Variants in LYZL2 observed in about 807,000 individuals in gnomAD.
The protein encoded by LYZL2 is lysozyme like 2, also known as lysozyme-like protein 2.
LYZL2 carries 13 observed loss-of-function variants against 17.1 expected under a neutral mutation model. That is an observed-to-expected ratio of 0.76 (90% confidence interval 0.49 to 1.21). The LOEUF (loss-of-function observed/expected upper bound fraction) is 1.21, where lower values mean the gene tolerates loss of function less well. Among genes scored for constraint, LYZL2 ranks in the 50% most tolerant of loss-of-function variants. The probability of loss-of-function intolerance (pLI) is 0.00; values close to 1 mark genes in which losing one functional copy is unlikely to be tolerated. For missense variants in LYZL2, 166 were observed against 189.2 expected (o/e 0.88, Z 0.72); for synonymous variants, 63 against 74.4 (o/e 0.85, Z 0.79).
chr10:30,621,216 G>A (rs967392512), intron 3 of LYZL2, among the ~76,000 whole-genome samples: 7 of 152,144 alleles, frequency 4.6e-5, no homozygotes, highest in Admixed American at 2.0e-4. Flanking sequence ...ATTACATACC[G>A]GGGACAAACA....
At chr10:30,608,966 A>T (rs536718172), downstream of LYZL2, among the ~76,000 whole-genome samples, 72 of 152,174 alleles carry the variant, frequency 4.7e-4, no homozygotes, top group Middle Eastern at 6.8e-3. Context: ...CAACCTCCTG[A>T]GTAGCTGGAA....
intron 3 of LYZL2, 72 bp downstream of exon 3, chr10:30,626,033 T>C (rs1001413867): frequency 3.2e-6 from 5 of 1,559,030 alleles, no homozygotes; most frequent in South Asian, 1.2e-5. Flanking sequence ...AAGCAAGACA[T>C]GGTTGGTGAT....
downstream of LYZL2, among the ~76,000 whole-genome samples, chr10:30,609,991 G>A (rs1312536291): frequency 6.6e-6 from 1 of 152,250 alleles, no homozygotes; most frequent in African/African-American, 2.4e-5. Flanking sequence ...GAATTTTGAA[G>A]CACTTATTTT....
chr10:30,621,647 G>A, intron 3 of LYZL2, among the ~76,000 whole-genome samples: 1 of 152,094 alleles, frequency 6.6e-6, no homozygotes, highest in Admixed American at 6.5e-5. Flanking sequence ...AATTTTATAT[G>A]TAAAGAAAAT....
At chr10:30,606,636 G>A in the LYZL2 span, among the ~76,000 whole-genome samples, 1 of 152,130 alleles carries the variant, frequency 6.6e-6, no homozygotes, top group African/African-American at 2.4e-5. Flanking sequence ...TACAGGAGGT[G>A]AAACACAGAA....
downstream of LYZL2, among the ~76,000 whole-genome samples, chr10:30,608,618 G>T (rs1449193636): frequency 1.3e-5 from 2 of 152,164 alleles, no homozygotes; most frequent in Non-Finnish European, 2.9e-5. Context: ...CTGCTGTCGC[G>T]CTGTGGCCCC....
chr10:30,625,341 G>A (rs1050108238), intron 3 of LYZL2, among the ~76,000 whole-genome samples: 2 of 152,116 alleles, frequency 1.3e-5, no homozygotes, highest in African/African-American at 4.8e-5. Flanking sequence ...TCATGAGATT[G>A]GATTGGCTCC....
intron 3 of LYZL2, among the ~76,000 whole-genome samples, chr10:30,624,615 G>C (rs1002680423): frequency 6.6e-6 from 1 of 152,160 alleles, no homozygotes; most frequent in Non-Finnish European, 1.5e-5. Context: ...TATGATACAG[G>C]AGGTAAAAAA....
intron 3 of LYZL2, among the ~76,000 whole-genome samples, chr10:30,624,755 G>T (rs1838677735): frequency 6.6e-6 from 1 of 152,164 alleles, no homozygotes; most frequent in Admixed American, 6.5e-5. Flanking sequence ...GCCCAGGCTG[G>T]TCTTGAACTC....
chr10:30,611,570 G>GGAAGGAAAGAAAGAAA (rs1491344870), downstream of LYZL2, among the ~76,000 whole-genome samples: 163 of 54,096 alleles, frequency 3.0e-3, no homozygotes, highest in Middle Eastern at 0.01. Context: ...AAGGAAGGAA[G>GGAAGGAAAGAAAGAAA]GAAAGAAAGA....
At chr10:30,620,566 A>G (rs1838604374) in intron 3 of LYZL2, among the ~76,000 whole-genome samples, 1 of 152,240 alleles carries the variant, frequency 6.6e-6, no homozygotes, top group Admixed American at 6.5e-5. Flanking sequence ...GAGGACTCAC[A>G]AGAGCCGTCA....
chr10:30,614,305 C>T (rs1022442940), intron 3 of LYZL2, among the ~76,000 whole-genome samples: 7 of 152,176 alleles, frequency 4.6e-5, no homozygotes, highest in Non-Finnish European at 8.8e-5. Flanking sequence ...CCATTTGTGA[C>T]GCAGACCCAG....
intron 3 of LYZL2, among the ~76,000 whole-genome samples, chr10:30,624,404 C>G (rs1838671204): frequency 1.3e-5 from 2 of 152,194 alleles, no homozygotes; most frequent in African/African-American, 4.8e-5. Flanking sequence ...AGAAGGCAGT[C>G]CTCTCCCGGC....
At chr10:30,619,605 C>A (rs1261118536) in intron 3 of LYZL2, among the ~76,000 whole-genome samples, 1 of 149,952 alleles carries the variant, frequency 6.7e-6, no homozygotes, top group African/African-American at 2.5e-5. Context: ...CATGTTCTCA[C>A]TCATAGGTGG....
chr10:30,614,928 C>T (rs379515), intron 3 of LYZL2, among the ~76,000 whole-genome samples: 87,004 of 152,012 alleles, frequency 0.57, 25,475 homozygotes, highest in African/African-American at 0.61. Flanking sequence ...CTAATTGCCT[C>T]ATAATCAGTG....
At chr10:30,616,856 GA>G (rs1270386500) in intron 3 of LYZL2, among the ~76,000 whole-genome samples, 1 of 151,886 alleles carries the variant, frequency 6.6e-6, no homozygotes, top group Non-Finnish European at 1.5e-5. Flanking sequence ...TAATAAAGTT[GA>G]TAATGAAAAT....
chr10:30,615,724 T>G (rs1373431280), intron 3 of LYZL2, among the ~76,000 whole-genome samples: 1 of 152,224 alleles, frequency 6.6e-6, no homozygotes, highest in Non-Finnish European at 1.5e-5. Context: ...TATAAAAAAT[T>G]GTAATTAATT....
intron 3 of LYZL2, among the ~76,000 whole-genome samples, chr10:30,614,027 T>G (rs1838490585): frequency 6.7e-6 from 1 of 149,496 alleles, no homozygotes; most frequent in Admixed American, 6.6e-5. Flanking sequence ...ATTTTTTCTA[T>G]TGCTTCAGAC....
At chr10:30,626,077 T>C in intron 3 of LYZL2, 28 bp downstream of exon 3, 2 of 1,605,224 alleles carry the variant, frequency 1.2e-6, no homozygotes, top group Non-Finnish European at 8.5e-7. Context: ...GTCCTGAGGA[T>C]GGCATCACTG....
Sources: allele counts gnomAD v4.1 joint callset (sites outside exome capture counted in the v4.1 genomes callset), GRCh38; gene constraint gnomAD v4.1.1; transcripts MANE v1.5; gene names NCBI Gene and HGNC (gene_info 2026-07-23, HGNC 2026-07-21).